The following VPS35L variants were observed in gnomAD, a reference collection of about 807,000 sequenced individuals.
VPS35L encodes the protein VPS35 endosomal protein-sorting factor-like.
VPS35L carries 83 observed loss-of-function variants against 133.0 expected under a neutral mutation model. The ratio of observed to expected loss-of-function variants is 0.62; its 90% CI spans 0.52 to 0.75. VPS35L has a LOEUF of 0.75. VPS35L is among the 30% of genes least tolerant of loss of function. The pLI is 0.00. For missense variants in VPS35L, 1,083 were observed against 1,206.8 expected (o/e 0.90, Z 1.52); for synonymous variants, 423 against 449.9 (o/e 0.94, Z 0.76).
intron 26 of VPS35L, among the ~76,000 whole-genome samples, chr16:19,657,344 CTTTCT>C (rs144204610): frequency 0.024 from 3,618 of 152,186 alleles, 85 homozygotes; most frequent in African/African-American, 0.056. Flanking sequence ...TTAGAACTTA[CTTTCT>C]TTTATTTTTT....
At chr16:19,608,468 T>C in intron 10 of VPS35L, 194 bp downstream of exon 10, 1 of 538,296 alleles carries the variant, frequency 1.9e-6, no homozygotes, top group South Asian at 2.9e-5. Flanking sequence ...TTTCCAGTTT[T>C]TTGTCTTTTA....
At chr16:19,664,907 A>AC (rs1169014328) in intron 26 of VPS35L, among the ~76,000 whole-genome samples, 3 of 151,994 alleles carry the variant, frequency 2.0e-5, no homozygotes, top group Non-Finnish European at 4.4e-5. Flanking sequence ...CTAAAAAAAA[A>AC]AAAAAACAAA....
At chr16:19,693,959 G>GAAAAAAAAAAAAAAA (rs915757096) in intron 29 of VPS35L, 2 of 92,386 alleles carry the variant, frequency 2.2e-5, no homozygotes, top group East Asian at 3.1e-4. Context: ...CAAAAAAAAA[G>GAAAAAAAAAAAAAAA]AAAAAAAAAA....
At chr16:19,564,731 A>T (rs897286688) in intron 1 of VPS35L, 120 bp from the exon 2 acceptor site, 29 of 691,088 alleles carry the variant, frequency 4.2e-5, no homozygotes, top group African/African-American at 4.0e-4. Context: ...GTTTCTTTTT[A>T]ACTTTGGTGG....
At chr16:19,592,675 T>G (rs1005296091) in intron 8 of VPS35L, among the ~76,000 whole-genome samples, 2 of 151,730 alleles carry the variant, frequency 1.3e-5, no homozygotes, top group African/African-American at 4.8e-5. Context: ...TTTTTTTCTT[T>G]CTTCACTGTT....
At position 19,675,979 on chromosome 16, in the gene VPS35L, C is replaced by T. The variant is rs762251385; in HGVS notation, c.2362-6246C>T. 3.7e-4 allele frequency among the ~76,000 whole-genome samples: 57 copies of T among 152,208 alleles called. No individual in the cohort carries two copies. In the Middle Eastern group the frequency reaches 0.01, roughly 27 times the overall value. ...TAGAAAAGATAGGAACTACCAGGCA[C>T]GGCTGCTCATACCTGTAATCCCAGC... On this transcript the variant is annotated intron_variant, in intron 27 of 30. Coordinates refer to ENST00000417362, the MANE Select transcript of VPS35L (RefSeq NM_020314.7).
intron 26 of VPS35L, among the ~76,000 whole-genome samples, chr16:19,666,716 G>A (rs986604964): frequency 1.3e-5 from 2 of 152,032 alleles, no homozygotes; most frequent in African/African-American, 2.4e-5. Context: ...GAAAAAAATG[G>A]TCTTTCAAGT....
At chr16:19,563,005 T>G (rs191234321) in intron 1 of VPS35L, among the ~76,000 whole-genome samples, 11 of 152,184 alleles carry the variant, frequency 7.2e-5, no homozygotes, top group Admixed American at 2.0e-4. Flanking sequence ...GCTCAAGCAG[T>G]CCACCCATCT....
chr16:19,693,473 T>C (rs1004982458), intron 29 of VPS35L, among the ~76,000 whole-genome samples: 3 of 151,208 alleles, frequency 2.0e-5, no homozygotes, highest in African/African-American at 7.3e-5. Flanking sequence ...AGATCCTGTC[T>C]CTATTAAAAA....
Position 19,666,888 on chromosome 16 carries a change from CTTTCTTTCTTTCTTTCTTTCTTTCTTT to C in VPS35L, c.2222-2271_2222-2245del, listed in dbSNP as rs1974685795. Among the ~76,000 whole-genome samples, 8 of 113,580 alleles carry C rather than the reference CTTTCTTTCTTTCTTTCTTTCTTTCTTT, an allele frequency of 7.0e-5. 1 individual carries two copies. Among genetic ancestry groups the C allele is most frequent in the African/African-American group, 2.7e-4 (8 of 29,108 alleles). The allele number at this position is 113,580 out of a possible 152,430, so 74.5% of individuals were successfully genotyped here. A position where few individuals can be genotyped will look rare whatever the true frequency, so the allele number is the denominator to read the frequency against. On this transcript the variant is annotated intron_variant, in intron 26 of 30. Transcript: ENST00000417362. ...GGGCCATGTTTTTCTTTCTTTCTTT[CTTTCTTTCTTTCTTTCTTTCTTTCTTT>C]CTTTCTTTCTTTCTTTCTTCCTTTC...
intron 29 of VPS35L, among the ~76,000 whole-genome samples, chr16:19,697,724 C>G (rs1486135939): frequency 6.6e-6 from 1 of 152,082 alleles, no homozygotes; most frequent in African/African-American, 2.4e-5. Context: ...TTCTTAATCC[C>G]TGCATACAAC....
intron 26 of VPS35L, among the ~76,000 whole-genome samples, chr16:19,663,964 GTGTT>G (rs1027241376): frequency 1.3e-5 from 2 of 151,988 alleles, no homozygotes; most frequent in African/African-American, 2.4e-5. Context: ...TGTGTTCTGA[GTGTT>G]TGATTTCTTC....
In VPS35L at chr16:19,700,577, C is replaced by T. The variant is rs11544068; in HGVS notation, c.*101C>T. 2.0e-6 allele frequency: 2 copies of T among 1,022,210 alleles called. No homozygotes were observed. Among genetic ancestry groups the T allele is most frequent in the East Asian group, 2.4e-5 (1 of 41,240 alleles). The allele number at this position is 1,022,210 out of a possible 1,614,324, so 63.3% of individuals were successfully genotyped here. A position where few individuals can be genotyped will look rare whatever the true frequency, so the allele number is the denominator to read the frequency against. Reference sequence around the variant, plus strand: ...ACGGCAATTTAGGTTTCTCATTTTTCTTTTCTTTTTACATATGTACAAATT... The same window carrying T: ...ACGGCAATTTAGGTTTCTCATTTTTTTTTTCTTTTTACATATGTACAAATT... On this transcript the variant is annotated 3_prime_UTR_variant, in exon 31 of 31. Transcript: ENST00000417362.
rs138192631 is a variant in VPS35L, at chr16:19,680,179, G to A, written c.2362-2046G>A. 1.7e-3 allele frequency among the ~76,000 whole-genome samples: 255 copies of A among 152,306 alleles called. 2 individuals are homozygous for A. The highest frequency in any genetic ancestry group is 1.0e-3 in the Non-Finnish European group (69 of 68,022). ...TCTCAGTGGCTCATTTCCCATCTGC[G>A]AAATGGGGCTTCGTCGTAGTATCAC... On this transcript the variant is annotated intron_variant, in intron 27 of 30. Coordinates refer to ENST00000417362, the MANE Select transcript of VPS35L (RefSeq NM_020314.7).
chr16:19,648,979 AT>A (rs1422249050), intron 24 of VPS35L, among the ~76,000 whole-genome samples: 1 of 151,982 alleles, frequency 6.6e-6, no homozygotes, highest in Non-Finnish European at 1.5e-5. Context: ...TGAAAGAAAA[AT>A]AATACTTTTT....
intron 29 of VPS35L, among the ~76,000 whole-genome samples, chr16:19,697,725 T>G (rs1205842733): frequency 6.6e-6 from 1 of 152,126 alleles, no homozygotes; most frequent in African/African-American, 2.4e-5. Context: ...TCTTAATCCC[T>G]GCATACAACT....
chr16:19,633,173 G>A lies in VPS35L; in HGVS notation c.1635+1G>A. The stretch of plus-strand genomic sequence containing the variant: ...TGCATTTGAAGATTCCTACCCCCAG[G>A]TAACAGATTTGCATTTCTCATTTCA... On this transcript the variant is annotated splice_donor_variant, in intron 19 of 30. Transcript: ENST00000417362. LOFTEE classifies it high-confidence loss of function. The surrounding 1 kb of genome is among the most constrained non-coding windows in gnomAD (Gnocchi z 4.1). 1 of 1,613,726 alleles carries A rather than the reference G, an allele frequency of 6.2e-7. No individual in the cohort carries two copies. The highest frequency in any genetic ancestry group is 8.5e-7 in the Non-Finnish European group (1 of 1,179,634).
chr16:19,620,923 C>T (rs1973058500), intron 14 of VPS35L, among the ~76,000 whole-genome samples: 1 of 151,952 alleles, frequency 6.6e-6, no homozygotes, highest in Non-Finnish European at 1.5e-5. Flanking sequence ...TGCACTCCAG[C>T]CTGGGCGACA....
intron 26 of VPS35L, among the ~76,000 whole-genome samples, chr16:19,667,426 C>T (rs754866631): frequency 2.0e-5 from 3 of 152,104 alleles, no homozygotes; most frequent in East Asian, 1.9e-4. Context: ...GACCAAAATA[C>T]GTAACAGGCT....
Sources: gnomAD v4.1 joint callset for allele counts (sites outside exome capture counted in the v4.1 genomes callset) on GRCh38, gnomAD v4.1.1 for gene constraint, Gnocchi (gnomAD v3.1) non-coding constraint, MANE v1.5 for transcripts, NCBI Gene and HGNC (gene_info 2026-07-23, HGNC 2026-07-21) for gene names.